The following DCHS2 variants were observed in gnomAD, a reference collection of about 807,000 sequenced individuals.
The protein encoded by DCHS2 is dachsous cadherin-related 2.
DCHS2 carries 142 observed loss-of-function variants against 182.4 expected under a neutral mutation model. That is an observed-to-expected ratio of 0.78 (90% CI 0.68 to 0.89). The LOEUF is 0.89. DCHS2 is among the 40% of genes least tolerant of loss of function. The pLI is 0.00. For missense variants in DCHS2, 4,319 were observed against 4,198.6 expected (o/e 1.03, Z -0.79); for synonymous variants, 1,740 against 1,663.3 (o/e 1.05, Z -1.12).
At position 154,324,556 on chromosome 4, in the gene DCHS2, G is replaced by GA. The variant is rs1361978330; in HGVS notation, c.4019-2069_4019-2068insT. Among the ~76,000 whole-genome samples, 379 of 152,216 alleles carry GA rather than the reference G, an allele frequency of 2.5e-3. 3 individuals carry two copies. Among genetic ancestry groups the GA allele is most frequent in the African/African-American group, 8.6e-3 (357 of 41,534 alleles). On this transcript the variant is annotated intron_variant, in intron 7 of 19. Transcript: ENST00000357232. ...CATATTGATGCTTATAATTTAGATT[G>GA]GTATCATAAGGTTTTGAGTTAAATA...
chr4:154,412,770 A>T (rs1046792232), intron 1 of DCHS2, among the ~76,000 whole-genome samples: 2 of 152,200 alleles, frequency 1.3e-5, no homozygotes, highest in African/African-American at 4.8e-5. Context: ...TGTTCACATA[A>T]GTGTTTGTAT....
chr4:154,442,617 A>C (rs1734087009), intron 1 of DCHS2, among the ~76,000 whole-genome samples: 1 of 127,602 alleles, frequency 7.8e-6, no homozygotes, highest in Non-Finnish European at 1.6e-5. Flanking sequence ...TTTTTCCCCC[A>C]CATCCCTACT....
At chr4:154,352,037 A>C (rs1029396624) in intron 3 of DCHS2, among the ~76,000 whole-genome samples, 5 of 151,900 alleles carry the variant, frequency 3.3e-5, no homozygotes, top group African/African-American at 1.2e-4. Flanking sequence ...AACTAACTCC[A>C]CACACACACA....
At chr4:154,253,952 G>T (rs191076358) in intron 16 of DCHS2, among the ~76,000 whole-genome samples, 1 of 152,302 alleles carries the variant, frequency 6.6e-6, no homozygotes, top group African/African-American at 2.4e-5. Flanking sequence ...CCTTAAACAG[G>T]ATGTCTGCTC....
chr4:154,418,497 A>G (rs986966509), intron 1 of DCHS2, among the ~76,000 whole-genome samples: 17 of 152,246 alleles, frequency 1.1e-4, no homozygotes, highest in African/African-American at 4.1e-4. Flanking sequence ...CTAAAACATA[A>G]AAGAACATAT....
In DCHS2 at chr4:154,276,900, T is replaced by C. The variant is rs796887317; in HGVS notation, c.6464-6887A>G. ...TCCCCTAAGCTAGCAACAGTGCTAGTGAAATTCTTTTGTGCTACAATCCCA... is the reference window on the plus strand; with the variant it reads ...TCCCCTAAGCTAGCAACAGTGCTAGCGAAATTCTTTTGTGCTACAATCCCA... On this transcript the variant is annotated intron_variant, in intron 13 of 19. Coordinates refer to ENST00000357232, the MANE Select transcript of DCHS2 (RefSeq NM_001358235.2). 5.3e-5 allele frequency among the ~76,000 whole-genome samples: 8 copies of C among 152,336 alleles called. No individual in the cohort carries two copies. In the South Asian group the frequency reaches 8.3e-4, roughly 16 times the overall value.
chr4:154,286,056 A>T (rs1321680460), intron 13 of DCHS2, among the ~76,000 whole-genome samples: 2 of 152,002 alleles, frequency 1.3e-5, no homozygotes, highest in African/African-American at 4.8e-5. Context: ...GAAGGAAGAG[A>T]AGAGAACAAG....
In DCHS2 at chr4:154,326,307, T is replaced by C. The variant is rs565090969; in HGVS notation, c.4018+1786A>G. Among the ~76,000 whole-genome samples, 119 of 152,334 alleles carry C rather than the reference T, an allele frequency of 7.8e-4. 5 individuals are homozygous for C. The South Asian group carries it at 0.024, about 31-fold the overall frequency. ...TTATTTATTTACTGGTTTTTCTTAC[T>C]GGTTTGCAGGAGTTCTTAATAAATT... On this transcript the variant is annotated intron_variant, in intron 7 of 19. Transcript: ENST00000357232.
intron 1 of DCHS2, among the ~76,000 whole-genome samples, chr4:154,483,279 G>GA (rs1399782663): frequency 6.6e-6 from 1 of 152,082 alleles, no homozygotes; most frequent in East Asian, 1.9e-4. Flanking sequence ...AAGTCATCTA[G>GA]AAAAAAATCT....
intron 1 of DCHS2, among the ~76,000 whole-genome samples, chr4:154,447,678 A>G (rs1734359190): frequency 6.6e-6 from 1 of 152,188 alleles, no homozygotes; most frequent in South Asian, 2.1e-4. Context: ...GAGGGCTTTA[A>G]TAACAATATT....
At chr4:154,377,511 T>G (rs1730965991) in intron 1 of DCHS2, 67 bp from the exon 2 acceptor site, 1 of 1,345,880 alleles carries the variant, frequency 7.4e-7, no homozygotes, top group Non-Finnish European at 1.0e-6. Flanking sequence ...CAGTCATGAA[T>G]TATTAAAACA....
At chr4:154,295,923 C>T (rs952722013) in intron 13 of DCHS2, among the ~76,000 whole-genome samples, 1 of 152,176 alleles carries the variant, frequency 6.6e-6, no homozygotes, top group East Asian at 1.9e-4. Flanking sequence ...TCCTTCAAAA[C>T]ATCAAGATCT....
intron 16 of DCHS2, among the ~76,000 whole-genome samples, chr4:154,253,021 T>A (rs778612404): frequency 2.0e-5 from 3 of 149,008 alleles, no homozygotes; most frequent in Non-Finnish European, 4.5e-5. Context: ...GGGAAAATCC[T>A]CCTTTATTTC....
chr4:154,425,512 C>G (rs964283776), intron 1 of DCHS2, among the ~76,000 whole-genome samples: 3 of 152,140 alleles, frequency 2.0e-5, no homozygotes, highest in African/African-American at 7.2e-5. Flanking sequence ...AGCAGGTGCC[C>G]TTGATCATTG....
At position 154,282,147 on chromosome 4, in the gene DCHS2, G is replaced by A. The variant is rs529708750; in HGVS notation, c.6464-12134C>T. Among the ~76,000 whole-genome samples, 94 of 152,050 alleles carry A rather than the reference G, an allele frequency of 6.2e-4. 1 individual carries two copies. Among genetic ancestry groups the A allele is most frequent in the African/African-American group, 2.2e-3 (90 of 41,532 alleles). ...TCATTCTTTGGATATAAGACCAAAA[G>A]CATAGGCAACAAAAGCAAAAAAATA... On this transcript the variant is annotated intron_variant, in intron 13 of 19. Transcript: ENST00000357232.
Position 154,490,344 on chromosome 4 carries a change from G to T in DCHS2, c.1012C>A (p.Arg338=). 1 of 1,540,720 alleles carries T rather than the reference G, an allele frequency of 6.5e-7. No individual in the cohort carries two copies. Among genetic ancestry groups the T allele is most frequent in the Non-Finnish European group, 8.7e-7 (1 of 1,145,724 alleles). ...CCGCTACCCGCCCCAGGCACTTGCC[G>T]GGCGCGGACGCTGTAGCGCACGAAG... The part of the protein sequence containing the change: ...NGFVRYSVRA[R]QVPGAGSGGG... The change falls in exon 1 of 20, where the codon CGG becomes AGG. Residue 338 remains arginine, a synonymous_variant. Transcript: ENST00000357232.
rs549990012 is a variant in DCHS2, at chr4:154,474,560, C to T, written c.2052+14744G>A. On this transcript the variant is annotated intron_variant, in intron 1 of 19. Coordinates refer to ENST00000357232, the MANE Select transcript of DCHS2 (RefSeq NM_001358235.2). ...ATCATGGTTCACCTTCCTCTACGCC[C>T]GACCCTGCTGCCCTCACTGCTGTCC... Among the ~76,000 whole-genome samples the T allele has an allele frequency of 2.0e-5, 3 of 152,278 alleles. No individual in the cohort carries two copies. In the South Asian group the frequency reaches 6.2e-4, roughly 32 times the overall value.
chr4:154,299,843 G>C (rs1735127315), intron 12 of DCHS2, among the ~76,000 whole-genome samples: 1 of 152,090 alleles, frequency 6.6e-6, no homozygotes, highest in South Asian at 2.1e-4. Context: ...AGGAAAGGCT[G>C]GTCAATACTC....
intron 1 of DCHS2, among the ~76,000 whole-genome samples, chr4:154,393,536 A>G (rs1731798761): frequency 6.6e-6 from 1 of 152,200 alleles, no homozygotes; most frequent in Admixed American, 6.5e-5. Context: ...CAACATCCCA[A>G]TGTCATAAGT....
Sources: gnomAD v4.1 joint callset for allele counts (sites outside exome capture counted in the v4.1 genomes callset) on GRCh38, gnomAD v4.1.1 for gene constraint, MANE v1.5 for transcripts, NCBI Gene and HGNC (gene_info 2026-07-23, HGNC 2026-07-21) for gene names.